The following ACER3 variants were observed in gnomAD, a reference collection of about 807,000 sequenced individuals.
The protein encoded by ACER3 is alkCDase 3.
In ACER3, 16 loss-of-function variants were observed where a neutral mutation model predicts 48.9. That is an observed-to-expected ratio of 0.33 (90% confidence interval 0.22 to 0.50). The LOEUF (loss-of-function observed/expected upper bound fraction) is 0.50, where lower values mean the gene tolerates loss of function less well. Ranked by LOEUF, ACER3 falls within the 20% of genes least tolerant of loss-of-function variation. The pLI is 0.98. For missense variants in ACER3, 227 were observed against 326.0 expected (o/e 0.70, Z 2.34); for synonymous variants, 109 against 107.8 (o/e 1.01, Z -0.07).
At chr11:76,871,725 T>G (rs1461828989) in intron 1 of ACER3, among the ~76,000 whole-genome samples, 1 of 152,196 alleles carries the variant, frequency 6.6e-6, no homozygotes, top group Admixed American at 6.5e-5. Context: ...CTCTTCAGGA[T>G]CAGAAAACGA....
At chr11:77,002,890 A>G (rs1949062750) in intron 7 of ACER3, among the ~76,000 whole-genome samples, 1 of 152,188 alleles carries the variant, frequency 6.6e-6, no homozygotes, top group Non-Finnish European at 1.5e-5. Context: ...TTCCTAGAGT[A>G]GTCAACTTCA....
intron 1 of ACER3, among the ~76,000 whole-genome samples, chr11:76,925,431 T>C (rs1464391586): frequency 3.9e-5 from 6 of 152,256 alleles, no homozygotes; most frequent in Non-Finnish European, 2.9e-5. Context: ...TGAGTTATAG[T>C]ACAATTTTTC....
intron 7 of ACER3, among the ~76,000 whole-genome samples, chr11:77,010,464 G>A (rs2135308331): frequency 6.8e-6 from 1 of 147,734 alleles, no homozygotes; most frequent in African/African-American, 2.5e-5. Context: ...AGATAGAATA[G>A]ACTCAATAGA....
chr11:76,933,480 G>A (rs1334728264), intron 2 of ACER3, among the ~76,000 whole-genome samples: 3 of 150,296 alleles, frequency 2.0e-5, no homozygotes, highest in Admixed American at 1.3e-4. Flanking sequence ...GAGTGGTGAT[G>A]ACTCTTAACG....
At position 76,937,013 on chromosome 11, in the gene ACER3, G is replaced by A. The variant is rs559202771; in HGVS notation, c.214+10346G>A. Among the ~76,000 whole-genome samples the A allele has an allele frequency of 1.2e-4, 18 of 151,954 alleles. No individual in the cohort carries two copies. The East Asian group carries it at 2.7e-3, about 23-fold the overall frequency. On this transcript the variant is annotated intron_variant, in intron 2 of 10. Transcript: ENST00000532485. ...ATTACAGGCATGAGCCACTGTGCCCGGCCAATAATTTTAAGCATTGAATTA... is the reference window on the plus strand; with the variant it reads ...ATTACAGGCATGAGCCACTGTGCCCAGCCAATAATTTTAAGCATTGAATTA...
intron 1 of ACER3, among the ~76,000 whole-genome samples, chr11:76,897,707 C>T (rs1183433708): frequency 2.0e-5 from 3 of 151,074 alleles, no homozygotes; most frequent in Non-Finnish European, 4.4e-5. Flanking sequence ...CTTATTTGTT[C>T]TTTTTTTTTG....
chr11:76,914,290 G>A (rs556864067), intron 1 of ACER3, among the ~76,000 whole-genome samples: 7,825 of 152,040 alleles, frequency 0.051, 640 homozygotes, highest in African/African-American at 0.18. Context: ...AATTTTTGCA[G>A]TCTACTCATC....
chr11:76,977,622 C>T (rs749006358), intron 4 of ACER3, among the ~76,000 whole-genome samples: 9 of 152,184 alleles, frequency 5.9e-5, no homozygotes, highest in Non-Finnish European at 1.2e-4. Flanking sequence ...GCCCTAGTAA[C>T]GAGGCTTTTG....
At chr11:77,002,250 A>G (rs1565222905) in intron 7 of ACER3, among the ~76,000 whole-genome samples, 1 of 152,156 alleles carries the variant, frequency 6.6e-6, no homozygotes, top group Non-Finnish European at 1.5e-5. Context: ...CTTTATTTTT[A>G]TCATAACTTT....
chr11:76,983,321 C>CT (rs576944385), intron 4 of ACER3, among the ~76,000 whole-genome samples: 2 of 151,916 alleles, frequency 1.3e-5, no homozygotes, highest in Admixed American at 6.6e-5. Flanking sequence ...AATAGTATTG[C>CT]TTTTTTTTCT....
chr11:76,923,966 T>G (rs1432599904), intron 1 of ACER3, among the ~76,000 whole-genome samples: 1 of 152,144 alleles, frequency 6.6e-6, no homozygotes, highest in Non-Finnish European at 1.5e-5. Flanking sequence ...CTTTATAGAT[T>G]TCCTGAGTTC....
chr11:76,886,256 A>C (rs973728788), intron 1 of ACER3, among the ~76,000 whole-genome samples: 13 of 152,206 alleles, frequency 8.5e-5, no homozygotes, highest in African/African-American at 2.9e-4. Context: ...GGTTTGGTCT[A>C]GGAACTTTGG....
At chr11:76,915,844 A>G (rs1038352783) in intron 1 of ACER3, among the ~76,000 whole-genome samples, 1 of 152,154 alleles carries the variant, frequency 6.6e-6, no homozygotes, top group African/African-American at 2.4e-5. Context: ...TTGTAAAACC[A>G]TCAGATCTTG....
chr11:76,899,409 C>T (rs1590900292), intron 1 of ACER3, among the ~76,000 whole-genome samples: 1 of 152,080 alleles, frequency 6.6e-6, no homozygotes, highest in Non-Finnish European at 1.5e-5. Flanking sequence ...TTTTTGTTGT[C>T]TTCTGTGTGA....
In ACER3 at chr11:76,984,608, G is replaced by A. The variant is rs142933954; in HGVS notation, c.321-1035G>A. Reference sequence around the variant, plus strand: ...GTCTGTTCATATTTGCTTATTTACCGGATACCTCCTATGTGTTCAGCATTA... The same window carrying A: ...GTCTGTTCATATTTGCTTATTTACCAGATACCTCCTATGTGTTCAGCATTA... On this transcript the variant is annotated intron_variant, in intron 4 of 10. Transcript: ENST00000532485. Among the ~76,000 whole-genome samples the A allele has an allele frequency of 3.2e-3, 490 of 152,224 alleles. 5 individuals are homozygous for A. Among genetic ancestry groups the A allele is most frequent in the African/African-American group, 0.011 (439 of 41,542 alleles).
chr11:77,005,567 T>G (rs1949117657), intron 7 of ACER3, among the ~76,000 whole-genome samples: 1 of 152,098 alleles, frequency 6.6e-6, no homozygotes, highest in East Asian at 1.9e-4. Context: ...AGGGCCATGC[T>G]CCCTCTGAGA....
intron 9 of ACER3, 64 bp from the exon 10 acceptor site, chr11:77,019,667 T>A (rs1949438734): frequency 1.3e-6 from 2 of 1,499,466 alleles, no homozygotes; most frequent in Non-Finnish European, 1.9e-6. Flanking sequence ...CGTTTGTCAG[T>A]ACGCCAGTTT....
intron 2 of ACER3, among the ~76,000 whole-genome samples, chr11:76,927,801 A>T (rs1946871984): frequency 6.6e-6 from 1 of 151,998 alleles, no homozygotes; most frequent in Non-Finnish European, 1.5e-5. Context: ...ATCCTTTTTT[A>T]ATGGCTGCAT....
intron 10 of ACER3, among the ~76,000 whole-genome samples, chr11:77,020,029 A>G (rs1362159294): frequency 6.6e-6 from 1 of 152,242 alleles, no homozygotes; most frequent in Admixed American, 6.5e-5. Context: ...GAGATAATTT[A>G]TATGCCCAGC....
Sources: gnomAD v4.1 joint callset for allele counts (sites outside exome capture counted in the v4.1 genomes callset) on GRCh38, gnomAD v4.1.1 for gene constraint, MANE v1.5 for transcripts, NCBI Gene and HGNC (gene_info 2026-07-23, HGNC 2026-07-21) for gene names.